PTPN11: variants seen among roughly 807,000 people sequenced by gnomAD.
PTPN11 encodes the protein protein tyrosine phosphatase non-receptor type 11.
Under a neutral mutation model 78.8 loss-of-function variants are expected in PTPN11, and 6 were observed. The observed-to-expected ratio is 0.08, with a 90% confidence interval of 0.04 to 0.15. PTPN11 has a LOEUF of 0.15. Among genes scored for constraint, PTPN11 ranks in the 10% least tolerant of loss-of-function variants. The probability of loss-of-function intolerance (pLI) is 1.00; values close to 1 mark genes in which losing one functional copy is unlikely to be tolerated. For missense variants in PTPN11, 386 were observed against 744.8 expected, an observed-to-expected ratio of 0.52 and a Z score of 5.61; for synonymous variants, 221 against 263.5, an observed-to-expected ratio of 0.84 and a Z score of 1.56.
intron 6 of PTPN11, among the ~76,000 whole-genome samples, chr12:112,460,123 T>A (rs1226227310): frequency 6.6e-6 from 1 of 152,016 alleles, no homozygotes; most frequent in Non-Finnish European, 1.5e-5. Flanking sequence ...AGTTTTTGTA[T>A]TTTTAGTAGA....
chr12:112,467,738 G>T (rs528155485), intron 6 of PTPN11, among the ~76,000 whole-genome samples: 2 of 152,158 alleles, frequency 1.3e-5, no homozygotes, highest in African/African-American at 4.8e-5. Flanking sequence ...CAAGTAATCC[G>T]CCTGCCTCGG....
rs1048115043 is a variant in PTPN11 at position 112,507,577 on chromosome 12, A to G, written c.*1785A>G. On this transcript the variant is annotated 3_prime_UTR_variant, in exon 16 of 16. Transcript: ENST00000351677. ...CTCCAAAGACATCCCTCTTTGCCTC[A>G]TATGTTGAATCATCCAGTGCGGATA... is the stretch of plus-strand genomic sequence containing the variant. 2.6e-5 allele frequency: 4 copies of G among 152,802 alleles called. No individual in the cohort carries two copies. Among genetic ancestry groups the G allele is most frequent in the African/African-American group, 9.6e-5 (4 of 41,460 alleles). 9.5% of individuals were successfully genotyped at this position (152,802 alleles called of 1,614,324 possible). A position where few individuals can be genotyped will look rare whatever the true frequency, so the allele number is the denominator to read the frequency against.
At chr12:112,427,991 T>G (rs1251667756) in intron 1 of PTPN11, among the ~76,000 whole-genome samples, 2 of 152,170 alleles carry the variant, frequency 1.3e-5, no homozygotes, top group Admixed American at 6.6e-5. Context: ...CTTCAAGTGA[T>G]TCTCTTGCCT....
rs184462298 is a variant in PTPN11 at position 112,433,108 on chromosome 12, G to A, written c.15-13168G>A. On this transcript the variant is annotated intron_variant, in intron 1 of 15. Coordinates refer to ENST00000351677, the MANE Select transcript of PTPN11 (RefSeq NM_002834.5). Reference sequence around the variant, plus strand: ...ACTCCTGACCTCAAGTGATCCGCCTGCCTCAGCCTCCCAAAGTGCTGGGAT... The same window carrying A: ...ACTCCTGACCTCAAGTGATCCGCCTACCTCAGCCTCCCAAAGTGCTGGGAT... Among the ~76,000 whole-genome samples, 6 of 152,260 alleles carry A rather than the reference G, an allele frequency of 3.9e-5. No homozygotes were observed. The East Asian group carries it at 1.2e-3, about 29-fold the overall frequency.
At chr12:112,435,850 G>A (rs186920871) in intron 1 of PTPN11, among the ~76,000 whole-genome samples, 98 of 152,112 alleles carry the variant, frequency 6.4e-4, no homozygotes, top group African/African-American at 2.1e-3. Context: ...AGTGATAATG[G>A]ATTAAGTCCT....
intron 4 of PTPN11, 65 bp downstream of exon 4, chr12:112,453,452 G>A: frequency 7.9e-7 from 1 of 1,270,466 alleles, no homozygotes; most frequent in Admixed American, 1.7e-5. Context: ...TCTGCTGACA[G>A]AAGACAGACA....
intron 13 of PTPN11, among the ~76,000 whole-genome samples, chr12:112,490,221 A>G (rs1176410854): frequency 2.0e-5 from 3 of 152,136 alleles, no homozygotes; most frequent in Admixed American, 6.5e-5. Context: ...TTAGGCAAAA[A>G]GTTGCCCAAA....
At chr12:112,481,133 C>G (rs1009288188) in intron 9 of PTPN11, among the ~76,000 whole-genome samples, 1 of 152,126 alleles carries the variant, frequency 6.6e-6, no homozygotes, top group African/African-American at 2.4e-5. Flanking sequence ...GTTCAAAACC[C>G]CATGGGCTGC....
intron 13 of PTPN11, among the ~76,000 whole-genome samples, chr12:112,500,015 G>A (rs1256749617): frequency 1.3e-5 from 2 of 151,162 alleles, no homozygotes; most frequent in African/African-American, 2.4e-5. Flanking sequence ...AGGCCGAGGC[G>A]GGTGGATCAC....
chr12:112,488,017 C>G (rs144524401), intron 11 of PTPN11, among the ~76,000 whole-genome samples: 19 of 152,258 alleles, frequency 1.2e-4, no homozygotes, highest in African/African-American at 4.6e-4. Context: ...CTCCTGGCCC[C>G]AAGTGATCCT....
chr12:112,441,999 G>A (rs998474421), intron 1 of PTPN11, among the ~76,000 whole-genome samples: 3 of 151,390 alleles, frequency 2.0e-5, no homozygotes, highest in Non-Finnish European at 1.5e-5. Flanking sequence ...GGATGGTCTC[G>A]ATCTCCTGAC....
At chr12:112,422,868 T>G (rs2037546383) in intron 1 of PTPN11, among the ~76,000 whole-genome samples, 2 of 152,218 alleles carry the variant, frequency 1.3e-5, no homozygotes, top group Non-Finnish European at 2.9e-5. Context: ...AACTCATGTT[T>G]GTAATTGTCC....
chr12:112,444,794 G>A (rs1234865283), intron 1 of PTPN11, among the ~76,000 whole-genome samples: 1 of 152,178 alleles, frequency 6.6e-6, no homozygotes, highest in African/African-American at 2.4e-5. Context: ...AGAGGATCCT[G>A]CAGTTTGTCT....
chr12:112,454,002 C>T (rs938565900), intron 4 of PTPN11, among the ~76,000 whole-genome samples: 2 of 151,830 alleles, frequency 1.3e-5, no homozygotes, highest in African/African-American at 4.8e-5. Flanking sequence ...TTTTATTATA[C>T]TTAATATATT....
chr12:112,423,050 A>G (rs965564182), intron 1 of PTPN11, among the ~76,000 whole-genome samples: 4 of 152,206 alleles, frequency 2.6e-5, no homozygotes, highest in Non-Finnish European at 4.4e-5. Context: ...GTGGACCCCA[A>G]CCAAGGATTG....
intron 14 of PTPN11, among the ~76,000 whole-genome samples, chr12:112,502,905 C>G (rs774991516): frequency 5.3e-5 from 8 of 152,168 alleles, no homozygotes; most frequent in Non-Finnish European, 8.8e-5. Flanking sequence ...GGTCATATGT[C>G]TTAATGATGT....
chr12:112,485,542 A>G (rs1336007176), intron 10 of PTPN11, among the ~76,000 whole-genome samples: 2 of 152,172 alleles, frequency 1.3e-5, no homozygotes, highest in Admixed American at 6.6e-5. Context: ...TATTATTTGC[A>G]TTTTGCAAAA....
At chr12:112,457,729 G>A (rs539351952) in intron 6 of PTPN11, among the ~76,000 whole-genome samples, 2 of 152,296 alleles carry the variant, frequency 1.3e-5, no homozygotes, top group Admixed American at 6.5e-5. Flanking sequence ...ACTAACTTGG[G>A]TTGGAGAATG....
At chr12:112,442,664 C>G (rs1390699172) in intron 1 of PTPN11, among the ~76,000 whole-genome samples, 1 of 149,794 alleles carries the variant, frequency 6.7e-6, no homozygotes, top group African/African-American at 2.4e-5. Context: ...GTTGGCCAGG[C>G]TGGTCTCGAA....
Sources: allele counts gnomAD v4.1 joint callset (sites outside exome capture counted in the v4.1 genomes callset), GRCh38; gene constraint gnomAD v4.1.1; transcripts MANE v1.5; gene names NCBI Gene and HGNC (gene_info 2026-07-23, HGNC 2026-07-21).